RYR2: variants seen among roughly 807,000 people sequenced by gnomAD.
The protein encoded by RYR2 is ryanodine receptor 2, also known as cardiac muscle ryanodine receptor-calcium release channel.
RYR2 carries 227 observed loss-of-function variants against 601.1 expected under a neutral mutation model. That is an observed-to-expected ratio of 0.38 (90% CI 0.34 to 0.42). The LOEUF is 0.42. Ranked by LOEUF, RYR2 falls within the 10% of genes least tolerant of loss-of-function variation. The probability of loss-of-function intolerance (pLI) is 1.00; values close to 1 mark genes in which losing one functional copy is unlikely to be tolerated. For missense variants in RYR2, 4,646 were observed against 6,156.5 expected (o/e 0.75, Z 8.21); for synonymous variants, 2,223 against 2,175.1 (o/e 1.02, Z -0.61).
At chr1:237,152,442 A>G (rs1277277049) in intron 1 of RYR2, among the ~76,000 whole-genome samples, 3 of 152,172 alleles carry the variant, frequency 2.0e-5, no homozygotes, top group African/African-American at 7.2e-5. Flanking sequence ...ATCTTCCACA[A>G]TGGTTGAACT....
At chr1:237,168,548 C>A (rs1056675238) in intron 1 of RYR2, among the ~76,000 whole-genome samples, 6 of 152,144 alleles carry the variant, frequency 3.9e-5, no homozygotes, top group Admixed American at 2.6e-4. Flanking sequence ...TCTTTTCCTG[C>A]CTTTCGCCGA....
At chr1:237,286,024 T>A (rs1394417101) in intron 2 of RYR2, among the ~76,000 whole-genome samples, 1 of 152,190 alleles carries the variant, frequency 6.6e-6, no homozygotes, top group African/African-American at 2.4e-5. Context: ...TTCATTTAGT[T>A]CTGCTCTGAT....
chr1:237,077,766 C>T (rs1665163588), intron 1 of RYR2, among the ~76,000 whole-genome samples: 1 of 152,356 alleles, frequency 6.6e-6, no homozygotes, highest in African/African-American at 2.4e-5. Context: ...CAGCTCTGCA[C>T]CAAGCGGACC....
At chr1:237,750,226 A>G (rs1030259779) in intron 80 of RYR2, among the ~76,000 whole-genome samples, 4 of 152,172 alleles carry the variant, frequency 2.6e-5, no homozygotes, top group Non-Finnish European at 4.4e-5. Context: ...TTTAGTATTT[A>G]AAGAATCATG....
chr1:237,655,162 T>A lies in RYR2; in HGVS notation c.7966-659T>A, dbSNP rs183743318. ...TTTCCTTTGGTAAACTGAGTCCTTTTAAAATAATGTGTAAGTATTTTTTAG... is the reference window on the plus strand; with the variant it reads ...TTTCCTTTGGTAAACTGAGTCCTTTAAAAATAATGTGTAAGTATTTTTTAG... On this transcript the variant is annotated intron_variant, in intron 52 of 104. Coordinates refer to ENST00000366574, the MANE Select transcript of RYR2 (RefSeq NM_001035.3). Among the ~76,000 whole-genome samples the A allele has an allele frequency of 3.0e-3, 460 of 152,362 alleles. 2 individuals carry two copies. The highest frequency in any genetic ancestry group is 0.011 in the African/African-American group (437 of 41,596).
chr1:237,419,174 A>T (rs2150039355), intron 11 of RYR2, among the ~76,000 whole-genome samples: 1 of 152,190 alleles, frequency 6.6e-6, no homozygotes, highest in East Asian at 1.9e-4. Context: ...GGTTGTATTG[A>T]CCTTGTAAAA....
chr1:237,745,701 A>G (rs112333686), intron 80 of RYR2, among the ~76,000 whole-genome samples: 1 of 152,240 alleles, frequency 6.6e-6, no homozygotes, highest in African/African-American at 2.4e-5. Flanking sequence ...CATATGGAGC[A>G]TGACCTGAGA....
At chr1:237,168,075 T>G (rs1676917672) in intron 1 of RYR2, among the ~76,000 whole-genome samples, 1 of 152,168 alleles carries the variant, frequency 6.6e-6, no homozygotes, top group African/African-American at 2.4e-5. Flanking sequence ...GATACTGATC[T>G]CAGGAGAACA....
At chr1:237,787,943 C>G (rs767758847) in intron 91 of RYR2, 45 bp from the exon 92 acceptor site, 1 of 1,546,222 alleles carries the variant, frequency 6.5e-7, no homozygotes, top group South Asian at 1.2e-5. Context: ...CCGTTTAGTT[C>G]TTTAGTTTCT....
intron 1 of RYR2, among the ~76,000 whole-genome samples, chr1:237,097,835 G>A (rs1185686473): frequency 6.6e-6 from 1 of 152,124 alleles, no homozygotes; most frequent in Non-Finnish European, 1.5e-5. Flanking sequence ...ACCTGGGGAG[G>A]GAGAAATCAA....
At chr1:237,085,943 TG>T (rs1176056117) in intron 1 of RYR2, among the ~76,000 whole-genome samples, 2 of 152,176 alleles carry the variant, frequency 1.3e-5, no homozygotes, top group African/African-American at 4.8e-5. Flanking sequence ...TTGGTGGAGA[TG>T]GGGTTTCACC....
Position 237,772,074 on chromosome 1 carries a change from A to G in RYR2, c.11620A>G (p.Thr3874Ala). ...NNTTVNIIIS[T>A]VDYLLRVQES... is the part of the protein sequence containing the mutation. Reference sequence around the variant, plus strand: ...TACAACTGTCAACATAATTATCTCCACTGTAGACTACCTACTGAGAGTTCA... The same window carrying G: ...TACAACTGTCAACATAATTATCTCCGCTGTAGACTACCTACTGAGAGTTCA... Residue 3874 changes from threonine (T) to alanine (A), a missense_variant, in exon 86 of 105, where the codon ACT becomes GCT. Coordinates refer to ENST00000366574, the MANE Select transcript of RYR2 (RefSeq NM_001035.3). 6.5e-7 allele frequency: 1 copy of G among 1,535,060 alleles called. No individual in the cohort carries two copies. The highest frequency in any genetic ancestry group is 1.9e-5 in the Admixed American group (1 of 53,076).
intron 1 of RYR2, among the ~76,000 whole-genome samples, chr1:237,064,469 C>T (rs773442237): frequency 4.6e-5 from 7 of 152,032 alleles, no homozygotes; most frequent in Non-Finnish European, 1.0e-4. Context: ...TTTTCTTCCT[C>T]TTGGTTTTCA....
At chr1:237,432,685 A>G (rs903765401) in intron 12 of RYR2, among the ~76,000 whole-genome samples, 2 of 152,262 alleles carry the variant, frequency 1.3e-5, no homozygotes, top group East Asian at 1.9e-4. Context: ...ACAATGCCTG[A>G]CATCCAAGAC....
At chr1:237,270,285 CT>C in intron 1 of RYR2, 1 of 703,678 alleles carries the variant, frequency 1.4e-6, no homozygotes, top group Non-Finnish European at 2.5e-6. Context: ...TAGCTCCCCT[CT>C]TTTCCCCTAC....
chr1:237,107,418 G>A (rs1288828958), intron 1 of RYR2, among the ~76,000 whole-genome samples: 1 of 147,376 alleles, frequency 6.8e-6, no homozygotes, highest in African/African-American at 2.5e-5. Context: ...CTACTCAGGA[G>A]GCTGAGGCAG....
At chr1:237,193,081 G>A (rs1680152843) in intron 1 of RYR2, among the ~76,000 whole-genome samples, 1 of 150,672 alleles carries the variant, frequency 6.6e-6, no homozygotes, top group African/African-American at 2.4e-5. Flanking sequence ...CCAGCATTTT[G>A]GGAGGCCGAG....
intron 17 of RYR2, 66 bp downstream of exon 17, chr1:237,469,253 T>C: frequency 1.5e-5 from 2 of 137,502 alleles, no homozygotes; most frequent in South Asian, 1.6e-4. Flanking sequence ...TCGTATCCTT[T>C]AAGACAAAAA....
intron 1 of RYR2, among the ~76,000 whole-genome samples, chr1:237,074,168 A>G (rs1455655351): frequency 6.6e-6 from 1 of 151,854 alleles, no homozygotes; most frequent in African/African-American, 2.4e-5. Context: ...ATGAAAATAA[A>G]TTAGCTGGGT....
Sources: allele counts gnomAD v4.1 joint callset (sites outside exome capture counted in the v4.1 genomes callset), GRCh38; gene constraint gnomAD v4.1.1; transcripts MANE v1.5; gene names NCBI Gene and HGNC (gene_info 2026-07-23, HGNC 2026-07-21).